FSTL5: variants seen among roughly 807,000 people sequenced by gnomAD.
FSTL5 encodes follistatin like 5, also known as follistatin-related protein 5.
Under a neutral mutation model 89.1 loss-of-function variants are expected in FSTL5, and 62 were observed. The ratio of observed to expected loss-of-function variants is 0.70; its 90% CI spans 0.57 to 0.86. FSTL5 has a LOEUF of 0.86. Among genes scored for constraint, FSTL5 ranks in the 40% least tolerant of loss-of-function variants. The pLI, the probability that FSTL5 is intolerant of heterozygous loss-of-function variation, is 0.00. For missense variants in FSTL5, 1,057 were observed against 1,001.6 expected, an observed-to-expected ratio of 1.06 and a Z score of -0.75; for synonymous variants, 383 against 346.2, an observed-to-expected ratio of 1.11 and a Z score of -1.18.
chr4:161,848,036 C>CAAAAAAAA (rs139315536), intron 4 of FSTL5, among the ~76,000 whole-genome samples: 8 of 48,212 alleles, frequency 1.7e-4, no homozygotes, highest in South Asian at 1.4e-3. Context: ...GACTCCGTCT[C>CAAAAAAAA]AAAAAAAAAA....
At chr4:161,511,843 A>C (rs1339365172) in intron 10 of FSTL5, among the ~76,000 whole-genome samples, 1 of 152,110 alleles carries the variant, frequency 6.6e-6, no homozygotes, top group Non-Finnish European at 1.5e-5. Context: ...AGCTATGAGA[A>C]GAAGATGGGT....
At chr4:161,801,800 C>A (rs951178625) in intron 4 of FSTL5, among the ~76,000 whole-genome samples, 1 of 151,332 alleles carries the variant, frequency 6.6e-6, no homozygotes, top group Non-Finnish European at 1.5e-5. Context: ...TCTGGAACAC[C>A]TGATGAGTTG....
chr4:161,830,026 C>T (rs1372170354), intron 4 of FSTL5, among the ~76,000 whole-genome samples: 1 of 152,022 alleles, frequency 6.6e-6, no homozygotes, highest in Non-Finnish European at 1.5e-5. Context: ...AATCATCTTA[C>T]TGTTTTTAAA....
At chr4:162,009,124 A>G (rs927579273) in intron 3 of FSTL5, among the ~76,000 whole-genome samples, 1 of 152,028 alleles carries the variant, frequency 6.6e-6, no homozygotes, top group Non-Finnish European at 1.5e-5. Context: ...TAGAAATGCC[A>G]TTTTTTCAAC....
chr4:161,529,976 T>A (rs1731354183), intron 10 of FSTL5, among the ~76,000 whole-genome samples: 2 of 143,598 alleles, frequency 1.4e-5, no homozygotes, highest in Non-Finnish European at 3.1e-5. Flanking sequence ...ATTGTTCAAC[T>A]GTTTATATTA....
At chr4:161,575,610 C>T (rs542923621) in intron 8 of FSTL5, among the ~76,000 whole-genome samples, 4 of 151,958 alleles carry the variant, frequency 2.6e-5, no homozygotes, top group East Asian at 1.9e-4. Flanking sequence ...CCTGCTACTG[C>T]GCCTGGCTAA....
intron 3 of FSTL5, among the ~76,000 whole-genome samples, chr4:161,992,888 ATATATATATGTG>A (rs1736163545): frequency 8.1e-4 from 15 of 18,560 alleles, no homozygotes; most frequent in African/African-American, 1.7e-3. Flanking sequence ...ATATATATAT[ATATATATATGTG>A]TGTGTATATA....
intron 6 of FSTL5, among the ~76,000 whole-genome samples, chr4:161,758,430 C>T (rs1239712712): frequency 6.6e-6 from 1 of 151,956 alleles, no homozygotes; most frequent in Non-Finnish European, 1.5e-5. Flanking sequence ...AATAAATTTA[C>T]TTTGTCTTTC....
intron 15 of FSTL5, among the ~76,000 whole-genome samples, chr4:161,434,375 C>T (rs1311642334): frequency 2.6e-5 from 4 of 152,008 alleles, no homozygotes; most frequent in Non-Finnish European, 5.9e-5. Flanking sequence ...TAAAATTAGA[C>T]CCCCATCTCT....
At chr4:161,865,502 T>C (rs1436836647) in intron 4 of FSTL5, among the ~76,000 whole-genome samples, 2 of 152,190 alleles carry the variant, frequency 1.3e-5, no homozygotes, top group African/African-American at 4.8e-5. Context: ...TTATTAATCA[T>C]ATTCTAACCA....
At chr4:162,087,417 G>C (rs565811727) in intron 2 of FSTL5, among the ~76,000 whole-genome samples, 3 of 152,168 alleles carry the variant, frequency 2.0e-5, no homozygotes, top group Admixed American at 6.6e-5. Context: ...TAATGACATA[G>C]AGAATAAAGA....
chr4:162,033,470 C>T (rs1242637753), intron 3 of FSTL5, among the ~76,000 whole-genome samples, 155 bp downstream of exon 3: 1 of 152,122 alleles, frequency 6.6e-6, no homozygotes, highest in Non-Finnish European at 1.5e-5. Flanking sequence ...CTGGGGAATC[C>T]TCATAGGGCT....
chr4:161,764,341 C>A (rs955393597), intron 5 of FSTL5, among the ~76,000 whole-genome samples: 7 of 152,104 alleles, frequency 4.6e-5, no homozygotes, highest in African/African-American at 1.7e-4. Context: ...TCACTGCAAC[C>A]TTTGCCTCCT....
chr4:161,841,567 A>G (rs753306211), intron 4 of FSTL5, among the ~76,000 whole-genome samples: 1 of 152,202 alleles, frequency 6.6e-6, no homozygotes, highest in Non-Finnish European at 1.5e-5. Flanking sequence ...AGATAAAAAT[A>G]TATTGTTAAA....
chr4:162,049,362 A>C (rs1738306879), intron 2 of FSTL5, among the ~76,000 whole-genome samples: 1 of 152,208 alleles, frequency 6.6e-6, no homozygotes, highest in Non-Finnish European at 1.5e-5. Flanking sequence ...AGTGTAACCC[A>C]AATCCCTAGC....
chr4:162,031,181 G>A (rs1201423934), intron 3 of FSTL5, among the ~76,000 whole-genome samples: 1 of 152,076 alleles, frequency 6.6e-6, no homozygotes, highest in African/African-American at 2.4e-5. Context: ...TCAGGGCACT[G>A]GTATCATTAC....
At chr4:161,835,580 C>T (rs1207575596) in intron 4 of FSTL5, among the ~76,000 whole-genome samples, 3 of 151,912 alleles carry the variant, frequency 2.0e-5, no homozygotes, top group African/African-American at 4.8e-5. Flanking sequence ...TAGCCAGAAT[C>T]TACAATGAAC....
chr4:161,429,729 G>A (rs1732288954), intron 15 of FSTL5, among the ~76,000 whole-genome samples: 1 of 152,072 alleles, frequency 6.6e-6, no homozygotes, highest in Non-Finnish European at 1.5e-5. Flanking sequence ...TTTAACATCT[G>A]GAAAGCCTTC....
At chr4:161,478,431 C>T (rs1002342171) in intron 13 of FSTL5, among the ~76,000 whole-genome samples, 1 of 152,052 alleles carries the variant, frequency 6.6e-6, no homozygotes, top group African/African-American at 2.4e-5. Context: ...ATTTAATATA[C>T]ATTGTTAACT....
Sources: gnomAD v4.1 joint callset for allele counts (sites outside exome capture counted in the v4.1 genomes callset) on GRCh38, gnomAD v4.1.1 for gene constraint, MANE v1.5 for transcripts, NCBI Gene and HGNC (gene_info 2026-07-23, HGNC 2026-07-21) for gene names.